Variants in NWD1 observed in about 807,000 individuals in gnomAD.
NWD1 encodes the protein NACHT and WD repeat domain containing 1.
In NWD1, 129 loss-of-function variants were observed where a neutral mutation model predicts 135.1. That is an observed-to-expected ratio of 0.96 (90% confidence interval 0.83 to 1.11). NWD1 has a LOEUF of 1.11. Ranked by LOEUF, NWD1 falls within the 50% of genes least tolerant of loss-of-function variation. The probability of loss-of-function intolerance (pLI) is 0.00; values close to 1 mark genes in which losing one functional copy is unlikely to be tolerated. For missense variants in NWD1, 1,740 were observed against 1,851.3 expected (o/e 0.94, Z 1.10); for synonymous variants, 773 against 786.0 (o/e 0.98, Z 0.28).
intron 6 of NWD1, among the ~76,000 whole-genome samples, chr19:16,758,813 G>C (rs375367929): frequency 6.6e-6 from 1 of 151,954 alleles, no homozygotes; most frequent in Non-Finnish European, 1.5e-5. Flanking sequence ...TTGGAGACCA[G>C]CTTGACTAAC....
intron 4 of NWD1, 103 bp downstream of exon 4, chr19:16,736,853 T>G (rs1367496472): frequency 1.4e-6 from 1 of 730,372 alleles, no homozygotes; most frequent in African/African-American, 1.7e-5. Flanking sequence ...CCGTTTCTGC[T>G]TTCGTACCTT....
chr19:16,799,864 C>T (rs1190101092), intron 16 of NWD1, 22 bp from the exon 17 acceptor site: 1 of 1,568,810 alleles, frequency 6.4e-7, no homozygotes, highest in Non-Finnish European at 8.6e-7. Flanking sequence ...GTCAGATCTG[C>T]CCTCCTGTTC....
chr19:16,788,259 TA>T (rs1568381174), intron 12 of NWD1, among the ~76,000 whole-genome samples: 6,398 of 141,456 alleles, frequency 0.045, 507 homozygotes, highest in African/African-American at 0.16. Flanking sequence ...ATAATAATAA[TA>T]ATAATAATAA....
At chr19:16,800,868 C>T (rs1568391717) in intron 17 of NWD1, among the ~76,000 whole-genome samples, 2 of 152,120 alleles carry the variant, frequency 1.3e-5, no homozygotes, top group Non-Finnish European at 2.9e-5. Flanking sequence ...GCCATGGTGG[C>T]TTAAACCTAT....
rs111740604 is a variant in NWD1, at chr19:16,734,364, C to T, written c.82-2270C>T. ...GAGATTGAGACCATCCTGGCTAACA[C>T]GGTGAAACCCCATCTCTACTAAAAA... is the stretch of plus-strand genomic sequence containing the variant. On this transcript the variant is annotated intron_variant, in intron 3 of 18. Transcript: ENST00000524140. 3.3e-4 allele frequency among the ~76,000 whole-genome samples: 50 copies of T among 151,960 alleles called. 1 individual carries two copies. The highest frequency in any genetic ancestry group is 1.0e-3 in the African/African-American group (43 of 41,478).
At chr19:16,807,548 T>C in intron 17 of NWD1, 38 bp from the exon 18 acceptor site, 1 of 1,477,852 alleles carries the variant, frequency 6.8e-7, no homozygotes, top group Non-Finnish European at 9.1e-7. Context: ...TGTGATTCAC[T>C]CTCAGTGTAA....
intron 14 of NWD1, among the ~76,000 whole-genome samples, chr19:16,794,137 G>A (rs1261305531): frequency 6.6e-6 from 1 of 152,000 alleles, no homozygotes; most frequent in Non-Finnish European, 1.5e-5. Flanking sequence ...AGGCCAAGGT[G>A]GGCGGATCAC....
At chr19:16,729,641 G>C (rs1445811428) in intron 2 of NWD1, among the ~76,000 whole-genome samples, 1 of 151,736 alleles carries the variant, frequency 6.6e-6, no homozygotes, top group East Asian at 1.9e-4. Flanking sequence ...ACTTTAGGGG[G>C]CCGAGGCACC....
Position 16,815,349 on chromosome 19 carries a change from C to T in NWD1, c.*310C>T. On this transcript the variant is annotated 3_prime_UTR_variant, in exon 19 of 19. Transcript: ENST00000524140. ...GTGTAAAAAAATAAAAATAAAAAAA[C>T]CCTGTGGGGGTATGGGGCTCCAGTG... is the stretch of plus-strand genomic sequence containing the variant. The T allele has an allele frequency of 1.4e-6, 1 of 718,232 alleles. No homozygotes were observed. The highest frequency in any genetic ancestry group is 2.1e-5 in the Admixed American group (1 of 46,744). The allele number at this position is 718,232 out of a possible 1,614,324, so 44.5% of individuals were successfully genotyped here. A position where few individuals can be genotyped will look rare whatever the true frequency, so the allele number is the denominator to read the frequency against.
chr19:16,800,598 A>G (rs914887685), intron 17 of NWD1, among the ~76,000 whole-genome samples: 14 of 152,020 alleles, frequency 9.2e-5, no homozygotes, highest in Non-Finnish European at 1.5e-4. Context: ...TTATTCCTCA[A>G]CATTCTGGAG....
chr19:16,795,026 C>T (rs904076527), intron 15 of NWD1, among the ~76,000 whole-genome samples: 1 of 152,212 alleles, frequency 6.6e-6, no homozygotes, highest in African/African-American at 2.4e-5. Context: ...AGGTGATTCG[C>T]CCACCTTAGC....
At chr19:16,784,344 TA>T (rs1969965853) in intron 12 of NWD1, among the ~76,000 whole-genome samples, 1 of 151,830 alleles carries the variant, frequency 6.6e-6, no homozygotes, top group African/African-American at 2.4e-5. Flanking sequence ...CCAGCCGGGG[TA>T]ACACAGCCAG....
chr19:16,745,568 A>C (rs1968276943), intron 5 of NWD1, among the ~76,000 whole-genome samples: 1 of 151,664 alleles, frequency 6.6e-6, no homozygotes. Context: ...ATCTCTACAA[A>C]AAAAAAAAAA....
intron 12 of NWD1, among the ~76,000 whole-genome samples, chr19:16,782,922 TTTCC>T (rs1310575087): frequency 3.6e-5 from 4 of 111,352 alleles, no homozygotes; most frequent in African/African-American, 1.5e-4. Context: ...CTTTCCTTCC[TTTCC>T]TTCCTTCCTT....
At chr19:16,739,191 A>AG (rs1394023685) in intron 4 of NWD1, among the ~76,000 whole-genome samples, 1 of 17,612 alleles carries the variant, frequency 5.7e-5, no homozygotes, top group Non-Finnish European at 1.4e-4. Flanking sequence ...AGTTTCCAAG[A>AG]AAAAAAAAAA....
At chr19:16,741,310 C>T (rs891365365) in intron 4 of NWD1, among the ~76,000 whole-genome samples, 13 of 151,922 alleles carry the variant, frequency 8.6e-5, no homozygotes, top group Non-Finnish European at 1.6e-4. Flanking sequence ...CTGCAAGATA[C>T]TCTGCCTAAT....
intron 12 of NWD1, among the ~76,000 whole-genome samples, chr19:16,786,794 T>C (rs865783182): frequency 6.6e-6 from 1 of 152,122 alleles, no homozygotes; most frequent in South Asian, 2.1e-4. Flanking sequence ...TCAGGCGATC[T>C]GCCCGCCTCA....
rs1005702475 is a variant in NWD1 at position 16,796,829 on chromosome 19, C to G, written c.3305-903C>G. Among the ~76,000 whole-genome samples the G allele has an allele frequency of 5.9e-5, 9 of 152,108 alleles. 1 individual carries two copies. The highest frequency in any genetic ancestry group is 5.2e-4 in the Admixed American group (8 of 15,254). The stretch of plus-strand genomic sequence containing the variant: ...ACCATGATGAGCCAAATAGGCAGTC[C>G]CTGCCCTCCAGGAACTTACAGTTTC... On this transcript the variant is annotated intron_variant, in intron 15 of 18. Transcript: ENST00000524140.
intron 17 of NWD1, among the ~76,000 whole-genome samples, chr19:16,806,644 G>A (rs186253748): frequency 2.0e-5 from 3 of 152,174 alleles, no homozygotes; most frequent in African/African-American, 7.2e-5. Flanking sequence ...CTGAGAGGTT[G>A]AGGCTGCAGT....
Sources: allele counts gnomAD v4.1 joint callset (sites outside exome capture counted in the v4.1 genomes callset), GRCh38; gene constraint gnomAD v4.1.1; transcripts MANE v1.5; gene names NCBI Gene and HGNC (gene_info 2026-07-23, HGNC 2026-07-21).